Variants in ST6GALNAC5 observed in about 807,000 individuals in gnomAD.
The protein encoded by ST6GALNAC5 is alpha-N-acetylgalactosaminide alpha-2,6-sialyltransferase 5.
In ST6GALNAC5, 27 loss-of-function variants were observed where a neutral mutation model predicts 33.6. The ratio of observed to expected loss-of-function variants is 0.80; its 90% CI spans 0.59 to 1.11. The LOEUF is 1.11. ST6GALNAC5 is among the 50% of genes least tolerant of loss of function. The pLI is 0.00. For synonymous variants in ST6GALNAC5, 194 were observed against 171.2 expected (o/e 1.13, Z -1.04); for missense variants, 428 against 454.0 (o/e 0.94, Z 0.52).
At chr1:76,990,277 G>A (rs563680021) in intron 2 of ST6GALNAC5, among the ~76,000 whole-genome samples, 2 of 151,994 alleles carry the variant, frequency 1.3e-5, no homozygotes, top group Non-Finnish European at 2.9e-5. Context: ...TTATACAGTG[G>A]CCAAAAATAG....
At chr1:76,998,343 C>T (rs1297020478) in intron 2 of ST6GALNAC5, among the ~76,000 whole-genome samples, 1 of 151,916 alleles carries the variant, frequency 6.6e-6, no homozygotes, top group African/African-American at 2.4e-5. Context: ...TTACAGTGAG[C>T]TATGATTGTG....
intron 2 of ST6GALNAC5, among the ~76,000 whole-genome samples, chr1:77,020,255 G>A (rs1651001530): frequency 1.3e-5 from 2 of 152,166 alleles, no homozygotes; most frequent in Non-Finnish European, 2.9e-5. Flanking sequence ...CGAGAATGTG[G>A]TTCTAAGACA....
At chr1:77,033,962 G>A (rs1466067895) in intron 2 of ST6GALNAC5, among the ~76,000 whole-genome samples, 1 of 152,196 alleles carries the variant, frequency 6.6e-6, no homozygotes, top group East Asian at 1.9e-4. Context: ...CCTGAAAGGT[G>A]AAAGCTGCAA....
At chr1:77,004,254 G>A (rs1234104525) in intron 2 of ST6GALNAC5, among the ~76,000 whole-genome samples, 16 of 149,330 alleles carry the variant, frequency 1.1e-4, no homozygotes, top group Admixed American at 6.0e-4. Context: ...ATCTTCCATC[G>A]CTGATACCCT....
intron 4 of ST6GALNAC5, among the ~76,000 whole-genome samples, chr1:77,055,146 G>A (rs1156765335): frequency 2.6e-5 from 4 of 151,948 alleles, no homozygotes; most frequent in Middle Eastern, 3.4e-3. Context: ...ACTTCCCAAA[G>A]CTTTGTGAGC....
intron 2 of ST6GALNAC5, among the ~76,000 whole-genome samples, chr1:77,016,737 A>G (rs1650866484): frequency 6.6e-6 from 1 of 152,134 alleles, no homozygotes; most frequent in Non-Finnish European, 1.5e-5. Context: ...TTCTTTTTAG[A>G]ATTGTTTCAT....
chr1:76,905,406 A>G (rs1290076373), intron 2 of ST6GALNAC5, among the ~76,000 whole-genome samples: 1 of 152,170 alleles, frequency 6.6e-6, no homozygotes, highest in Non-Finnish European at 1.5e-5. Context: ...TCCCTGCTGC[A>G]TGGGTCAGGC....
chr1:76,987,779 T>C (rs1458537179), intron 2 of ST6GALNAC5, among the ~76,000 whole-genome samples: 1 of 152,156 alleles, frequency 6.6e-6, no homozygotes, highest in African/African-American at 2.4e-5. Context: ...AAGTACTTGA[T>C]GCTTTTGCCT....
At chr1:76,960,790 G>A (rs1459362941) in intron 2 of ST6GALNAC5, among the ~76,000 whole-genome samples, 6 of 152,222 alleles carry the variant, frequency 3.9e-5, no homozygotes, top group South Asian at 2.1e-4. Flanking sequence ...GCTCACCAGC[G>A]GTCAGAGTTT....
At chr1:76,901,989 T>G (rs1646821924) in intron 2 of ST6GALNAC5, among the ~76,000 whole-genome samples, 1 of 152,274 alleles carries the variant, frequency 6.6e-6, no homozygotes, top group South Asian at 2.1e-4. Context: ...TTCCTCTGGA[T>G]GAGAAAATGT....
rs139536432 is a variant in ST6GALNAC5 at position 76,985,256 on chromosome 1, T to C, written c.262-58948T>C. ...TTTTGAAGATGACATGATTGTATAT[T>C]TAGAAAACCCCATCATGTCAGCCCA... On this transcript the variant is annotated intron_variant, in intron 2 of 4. Transcript: ENST00000477717. Among the ~76,000 whole-genome samples the C allele has an allele frequency of 1.3e-3, 202 of 152,256 alleles. 1 individual carries two copies. The highest frequency in any genetic ancestry group is 4.6e-3 in the African/African-American group (193 of 41,538).
intron 2 of ST6GALNAC5, among the ~76,000 whole-genome samples, chr1:77,009,321 C>T (rs1650544085): frequency 6.6e-6 from 1 of 151,962 alleles, no homozygotes; most frequent in Non-Finnish European, 1.5e-5. Flanking sequence ...TGGATGGGAA[C>T]AGGAGTTTCA....
chr1:77,025,969 G>A (rs1273485851), intron 2 of ST6GALNAC5, among the ~76,000 whole-genome samples: 1 of 152,220 alleles, frequency 6.6e-6, no homozygotes, highest in Non-Finnish European at 1.5e-5. Context: ...TTTCAGGAAA[G>A]AAGATTATTC....
chr1:76,883,284 C>A (rs921940201), intron 2 of ST6GALNAC5, among the ~76,000 whole-genome samples: 1 of 152,208 alleles, frequency 6.6e-6, no homozygotes, highest in Non-Finnish European at 1.5e-5. Flanking sequence ...TTTCCACATG[C>A]AAGTCTCCCT....
At chr1:76,954,756 A>C (rs573875574) in intron 2 of ST6GALNAC5, among the ~76,000 whole-genome samples, 1 of 152,282 alleles carries the variant, frequency 6.6e-6, no homozygotes, top group South Asian at 2.1e-4. Flanking sequence ...GATTATTTTC[A>C]AACTAATTGG....
chr1:76,989,488 A>G (rs188519173), intron 2 of ST6GALNAC5, among the ~76,000 whole-genome samples: 13 of 152,046 alleles, frequency 8.6e-5, no homozygotes, highest in Admixed American at 6.6e-4. Flanking sequence ...TGGTATGGTA[A>G]TATTTTACAG....
At chr1:76,919,003 C>T (rs540392192) in intron 2 of ST6GALNAC5, among the ~76,000 whole-genome samples, 1 of 152,136 alleles carries the variant, frequency 6.6e-6, no homozygotes, top group Non-Finnish European at 1.5e-5. Context: ...AAGCGCCTCT[C>T]TTGTCTTAGC....
chr1:76,899,704 C>T (rs1646796378), intron 2 of ST6GALNAC5, among the ~76,000 whole-genome samples: 1 of 151,992 alleles, frequency 6.6e-6, no homozygotes, highest in Non-Finnish European at 1.5e-5. Context: ...TTGTCTCTAC[C>T]AGAAAATGAA....
chr1:77,008,425 C>T (rs976957279), intron 2 of ST6GALNAC5, among the ~76,000 whole-genome samples: 11 of 152,220 alleles, frequency 7.2e-5, no homozygotes, highest in African/African-American at 2.7e-4. Flanking sequence ...GGGATAATAA[C>T]ACTATCTGCC....
Sources: gnomAD v4.1 joint callset for allele counts (sites outside exome capture counted in the v4.1 genomes callset) on GRCh38, gnomAD v4.1.1 for gene constraint, MANE v1.5 for transcripts, NCBI Gene and HGNC (gene_info 2026-07-23, HGNC 2026-07-21) for gene names.